KCNH5: variants seen among roughly 807,000 people sequenced by gnomAD.
KCNH5 encodes voltage-gated delayed rectifier potassium channel KCNH5.
Under a neutral mutation model 96.1 loss-of-function variants are expected in KCNH5, and 46 were observed. That is an observed-to-expected ratio of 0.48 (90% CI 0.38 to 0.61). The LOEUF is 0.61. Among genes scored for constraint, KCNH5 ranks in the 20% least tolerant of loss-of-function variants. KCNH5 has a pLI of 0.00. For synonymous variants in KCNH5, 439 were observed against 449.8 expected (o/e 0.98, Z 0.30); for missense variants, 907 against 1,225.8 (o/e 0.74, Z 3.88).
At chr14:62,769,492 C>T in intron 10 of KCNH5, among the ~76,000 whole-genome samples, 1 of 152,220 alleles carries the variant, frequency 6.6e-6, no homozygotes, top group East Asian at 1.9e-4. Flanking sequence ...CGGGTGATCT[C>T]AATTCACTCC....
chr14:62,884,819 T>C (rs1888564526), intron 7 of KCNH5, among the ~76,000 whole-genome samples: 1 of 152,188 alleles, frequency 6.6e-6, no homozygotes, highest in African/African-American at 2.4e-5. Context: ...TTTGAATTAG[T>C]GCATATTCAA....
chr14:62,959,877 CCTAA>C (rs1890174836), intron 6 of KCNH5, among the ~76,000 whole-genome samples: 2 of 152,142 alleles, frequency 1.3e-5, no homozygotes, highest in Admixed American at 1.3e-4. Flanking sequence ...ACGGGAGTTT[CCTAA>C]CTGTCAAGGC....
At chr14:62,815,067 T>C (rs2140011238) in intron 8 of KCNH5, among the ~76,000 whole-genome samples, 1 of 152,258 alleles carries the variant, frequency 6.6e-6, no homozygotes, top group East Asian at 1.9e-4. Context: ...TAATACATTG[T>C]GGCACAGTCA....
chr14:62,991,169 A>G (rs904821872), intron 4 of KCNH5, among the ~76,000 whole-genome samples: 4 of 152,098 alleles, frequency 2.6e-5, no homozygotes, highest in Non-Finnish European at 5.9e-5. Context: ...TAGTGAATGA[A>G]TTAATGATGA....
chr14:62,916,307 C>T (rs1889274929), intron 7 of KCNH5, among the ~76,000 whole-genome samples: 1 of 152,086 alleles, frequency 6.6e-6, no homozygotes, highest in African/African-American at 2.4e-5. Context: ...CACAACCATA[C>T]CCCAAATAAT....
intron 9 of KCNH5, among the ~76,000 whole-genome samples, chr14:62,796,696 C>A (rs898264570): frequency 2.0e-5 from 3 of 152,126 alleles, no homozygotes; most frequent in Admixed American, 2.0e-4. Flanking sequence ...AGGATGCACC[C>A]GTGACACATC....
intron 6 of KCNH5, among the ~76,000 whole-genome samples, chr14:62,958,755 T>C (rs1300471522): frequency 2.0e-5 from 3 of 152,152 alleles, no homozygotes; most frequent in Non-Finnish European, 2.9e-5. Flanking sequence ...TCTTCACAAC[T>C]GTATTATGAA....
chr14:62,999,007 T>C (rs1035679490), intron 4 of KCNH5, among the ~76,000 whole-genome samples: 18 of 152,192 alleles, frequency 1.2e-4, no homozygotes, highest in African/African-American at 4.3e-4. Context: ...CGTGTGCATG[T>C]GTCTTTACAG....
intron 9 of KCNH5, among the ~76,000 whole-genome samples, chr14:62,782,705 G>A (rs1388726671): frequency 3.3e-5 from 5 of 152,128 alleles, no homozygotes; most frequent in Non-Finnish European, 7.4e-5. Context: ...TAGCTACTCG[G>A]GAGGCTGAGG....
intron 10 of KCNH5, among the ~76,000 whole-genome samples, chr14:62,718,398 C>A (rs1237395211): frequency 6.6e-6 from 1 of 151,960 alleles, no homozygotes; most frequent in Non-Finnish European, 1.5e-5. Context: ...TTAAAATCAT[C>A]AAAAAATTTG....
chr14:63,027,380 G>A (rs1289671738), intron 1 of KCNH5, among the ~76,000 whole-genome samples: 2 of 150,616 alleles, frequency 1.3e-5, no homozygotes, highest in African/African-American at 2.4e-5. Flanking sequence ...GTGAGGTAAT[G>A]AATATATGAA....
At chr14:63,006,197 A>G (rs1891121965) in intron 3 of KCNH5, among the ~76,000 whole-genome samples, 169 bp downstream of exon 3, 2 of 152,170 alleles carry the variant, frequency 1.3e-5, no homozygotes, top group Non-Finnish European at 2.9e-5. Context: ...TTCCATAGGT[A>G]GAATTATTTA....
chr14:62,854,952 G>A (rs935192856), intron 7 of KCNH5, among the ~76,000 whole-genome samples: 1 of 150,504 alleles, frequency 6.6e-6, no homozygotes, highest in East Asian at 2.1e-4. Context: ...CTGATCCCTT[G>A]AATGTAGGCA....
rs1054590186 is a variant in KCNH5 at position 62,704,815 on chromosome 14, T to C, written c.*2693A>G. On this transcript the variant is annotated 3_prime_UTR_variant, in exon 11 of 11. Coordinates refer to ENST00000322893, the MANE Select transcript of KCNH5 (RefSeq NM_139318.5). Reference sequence around the variant, plus strand: ...TGTCTATGTGCTAGTTGAGGCAACATAGAACATGATTTTATCATTATTGCA... The same window carrying C: ...TGTCTATGTGCTAGTTGAGGCAACACAGAACATGATTTTATCATTATTGCA... 2 of 151,966 alleles carry C rather than the reference T, an allele frequency of 1.3e-5. No individual in the cohort carries two copies. Among genetic ancestry groups the C allele is most frequent in the Non-Finnish European group, 2.9e-5 (2 of 67,846 alleles). 9.4% of individuals were successfully genotyped at this position (151,966 alleles called of 1,614,324 possible).
At chr14:62,743,284 A>G (rs1885310094) in intron 10 of KCNH5, among the ~76,000 whole-genome samples, 1 of 152,144 alleles carries the variant, frequency 6.6e-6, no homozygotes, top group African/African-American at 2.4e-5. Context: ...GGGTATATAG[A>G]TATCTCTTTT....
intron 9 of KCNH5, among the ~76,000 whole-genome samples, chr14:62,800,830 G>A (rs551497335): frequency 1.1e-4 from 16 of 151,544 alleles, no homozygotes; most frequent in Admixed American, 1.1e-3. Context: ...TTTTATGAAG[G>A]GTTATATTTA....
In KCNH5 at chr14:63,017,481, T is replaced by C. The variant is rs548897734; in HGVS notation, c.74-527A>G. Among the ~76,000 whole-genome samples the C allele has an allele frequency of 7.2e-5, 11 of 152,024 alleles. No individual in the cohort carries two copies. In the East Asian group the frequency reaches 1.9e-3, roughly 27 times the overall value. ...AAAATAGAATTTAAAAGTCTTCCTTTAAATTAAAATTATTCAAAGATATTT... is the reference window on the plus strand; with the variant it reads ...AAAATAGAATTTAAAAGTCTTCCTTCAAATTAAAATTATTCAAAGATATTT... On this transcript the variant is annotated intron_variant, in intron 1 of 10. Coordinates refer to ENST00000322893, the MANE Select transcript of KCNH5 (RefSeq NM_139318.5).
At chr14:62,877,956 C>A (rs1888410048) in intron 7 of KCNH5, among the ~76,000 whole-genome samples, 1 of 151,522 alleles carries the variant, frequency 6.6e-6, no homozygotes, top group Non-Finnish European at 1.5e-5. Flanking sequence ...AAATGTCCAA[C>A]AATGATAGAC....
intron 10 of KCNH5, among the ~76,000 whole-genome samples, chr14:62,768,027 G>A (rs1885902005): frequency 6.6e-6 from 1 of 152,116 alleles, no homozygotes; most frequent in Admixed American, 6.5e-5. Flanking sequence ...AACCTAGAGT[G>A]TGGCATGATA....
Sources: allele counts gnomAD v4.1 joint callset (sites outside exome capture counted in the v4.1 genomes callset), GRCh38; gene constraint gnomAD v4.1.1; transcripts MANE v1.5; gene names NCBI Gene and HGNC (gene_info 2026-07-23, HGNC 2026-07-21).